The following TTC17 variants were observed in gnomAD, a reference collection of about 807,000 sequenced individuals.
TTC17 encodes the protein tetratricopeptide repeat protein 17.
A neutral mutation model predicts 143.8 loss-of-function variants in TTC17; 58 were observed. The ratio of observed to expected loss-of-function variants is 0.40; its 90% CI spans 0.33 to 0.50. TTC17 has a LOEUF of 0.50. TTC17 is among the 20% of genes least tolerant of loss of function. The pLI, the probability that TTC17 is intolerant of heterozygous loss-of-function variation, is 0.49. For synonymous variants in TTC17, 501 were observed against 497.8 expected, an observed-to-expected ratio of 1.01 and a Z score of -0.09; for missense variants, 1,273 against 1,392.5, an observed-to-expected ratio of 0.91 and a Z score of 1.37.
chr11:43,439,053 G>T (rs1423918623), intron 16 of TTC17, among the ~76,000 whole-genome samples: 1 of 152,210 alleles, frequency 6.6e-6, no homozygotes, highest in Non-Finnish European at 1.5e-5. Context: ...TCCCTTAGGC[G>T]TTGAAGATGG....
intron 9 of TTC17, among the ~76,000 whole-genome samples, chr11:43,400,337 A>G (rs1857798610): frequency 6.6e-6 from 1 of 152,022 alleles, no homozygotes; most frequent in South Asian, 2.1e-4. Flanking sequence ...TTTTTTTCCT[A>G]CCCTAATATG....
Position 43,366,702 on chromosome 11 carries a change from T to C in TTC17, c.159+7589T>C, listed in dbSNP as rs114091931. On this transcript the variant is annotated intron_variant, in intron 1 of 23. Transcript: ENST00000039989. The stretch of plus-strand genomic sequence containing the variant: ...CAAACTCTTTCTATTGACAAGGTTT[T>C]GGTGGCAGGGAGGGAGACAGATTCT... Among the ~76,000 whole-genome samples the C allele has an allele frequency of 3.2e-4, 49 of 152,268 alleles. No homozygotes were observed. In the Middle Eastern group the frequency reaches 0.01, roughly 32 times the overall value.
chr11:43,421,529 G>A (rs982827678), intron 16 of TTC17, among the ~76,000 whole-genome samples: 1 of 152,146 alleles, frequency 6.6e-6, no homozygotes, highest in South Asian at 2.1e-4. Context: ...CCCATCACTC[G>A]CATTACTGCC....
intron 21 of TTC17, among the ~76,000 whole-genome samples, chr11:43,478,598 TTTTA>T (rs921017602): frequency 3.9e-5 from 6 of 152,110 alleles, no homozygotes; most frequent in South Asian, 2.1e-4. Flanking sequence ...CATTATATTG[TTTTA>T]TTTATTTATT....
At chr11:43,459,727 G>A (rs1042518299) in intron 21 of TTC17, among the ~76,000 whole-genome samples, 3 of 152,122 alleles carry the variant, frequency 2.0e-5, no homozygotes, top group African/African-American at 7.2e-5. Context: ...ACTTTAGGAT[G>A]GTATGAAAGC....
chr11:43,389,826 A>G lies in TTC17; in HGVS notation c.419+5A>G, dbSNP rs1458108795. On this transcript the variant is annotated splice_donor_5th_base_variant and intron_variant, in intron 3 of 23. Transcript: ENST00000039989. ...TTTGGAGAGCAAAGACATCAGGTAA[A>G]GAAGTTCTCTTTCCAAAAATAAAAT... 3 of 1,571,864 alleles carry G rather than the reference A, an allele frequency of 1.9e-6. No individual in the cohort carries two copies. The highest frequency in any genetic ancestry group is 2.6e-6 in the Non-Finnish European group (3 of 1,163,636).
intron 19 of TTC17, chr11:43,448,918 T>A (rs1261235703): frequency 6.6e-6 from 1 of 152,210 alleles, no homozygotes; most frequent in East Asian, 1.9e-4. Flanking sequence ...GGAGTTATCC[T>A]TAATGATTTT....
chr11:43,459,157 C>T (rs139914650), intron 21 of TTC17, among the ~76,000 whole-genome samples: 74 of 152,220 alleles, frequency 4.9e-4, no homozygotes, highest in African/African-American at 1.6e-3. Flanking sequence ...CACATACAAC[C>T]TACATTGTTA....
At chr11:43,408,386 CAGA>C (rs1858243078) in intron 15 of TTC17, among the ~76,000 whole-genome samples, 2 of 152,228 alleles carry the variant, frequency 1.3e-5, no homozygotes, top group South Asian at 4.1e-4. Flanking sequence ...GGATTTTAAG[CAGA>C]AGTTTACAAT....
In TTC17 at chr11:43,489,580, A is replaced by G. The variant is rs529114397; in HGVS notation, c.3031-659A>G. ...TGGTGAAACTCTATCTCTACTAAAA[A>G]TACAAAAATTAGACAGGCGTGGTGG... On this transcript the variant is annotated intron_variant, in intron 21 of 23. Coordinates refer to ENST00000039989, the MANE Select transcript of TTC17 (RefSeq NM_018259.6). Among the ~76,000 whole-genome samples, 260 of 152,244 alleles carry G rather than the reference A, an allele frequency of 1.7e-3. 7 individuals carry two copies. Among genetic ancestry groups the G allele is most frequent in the African/African-American group, 6.1e-3 (253 of 41,536 alleles).
chr11:43,447,147 G>A (rs546385161), intron 18 of TTC17, among the ~76,000 whole-genome samples: 3 of 152,058 alleles, frequency 2.0e-5, no homozygotes, highest in East Asian at 1.9e-4. Context: ...ATCATGCCAC[G>A]GCACTCTAGC....
chr11:43,478,794 T>C (rs1948232713), intron 21 of TTC17, among the ~76,000 whole-genome samples: 1 of 152,092 alleles, frequency 6.6e-6, no homozygotes, highest in African/African-American at 2.4e-5. Flanking sequence ...CCAAGCTAAT[T>C]TTTAAATTTT....
At chr11:43,401,674 C>T in intron 10 of TTC17, 116 bp downstream of exon 10, 1 of 710,566 alleles carries the variant, frequency 1.4e-6, no homozygotes, top group South Asian at 2.0e-5. Flanking sequence ...TTGTGATTGT[C>T]ATTTAGATCT....
At chr11:43,382,698 G>C (rs530110185) in intron 2 of TTC17, among the ~76,000 whole-genome samples, 63 of 151,950 alleles carry the variant, frequency 4.1e-4, no homozygotes, top group African/African-American at 1.5e-3. Context: ...AGATTTATAG[G>C]CTTCATCAGA....
chr11:43,463,266 A>C (rs767633850), intron 21 of TTC17, among the ~76,000 whole-genome samples: 2 of 152,132 alleles, frequency 1.3e-5, no homozygotes, highest in Non-Finnish European at 2.9e-5. Context: ...ATATGTGAAC[A>C]CTTAACATAT....
chr11:43,474,484 C>G (rs1948149239), intron 21 of TTC17, among the ~76,000 whole-genome samples: 1 of 152,056 alleles, frequency 6.6e-6, no homozygotes, highest in South Asian at 2.1e-4. Flanking sequence ...TTCAATTTGA[C>G]TTTGAAACCA....
Position 43,380,278 on chromosome 11 carries a change from G to A in TTC17, c.249+956G>A, listed in dbSNP as rs1041232999. On this transcript the variant is annotated intron_variant, in intron 2 of 23. Coordinates refer to ENST00000039989, the MANE Select transcript of TTC17 (RefSeq NM_018259.6). ...TTTGTTTTGTTTTGTTTTTTGAGTC[G>A]AAGTCTCACTCTTGTCGGCCAGGCT... Among the ~76,000 whole-genome samples, 8 of 150,978 alleles carry A rather than the reference G, an allele frequency of 5.3e-5. No individual in the cohort carries two copies. The East Asian group carries it at 9.9e-4, about 19-fold the overall frequency.
chr11:43,485,050 A>G (rs1215952905), intron 21 of TTC17, among the ~76,000 whole-genome samples: 2 of 152,016 alleles, frequency 1.3e-5, no homozygotes. Flanking sequence ...CACTGATTCT[A>G]CATTATGGTG....
intron 15 of TTC17, among the ~76,000 whole-genome samples, chr11:43,411,508 A>T (rs1858412204): frequency 6.6e-6 from 1 of 150,976 alleles, no homozygotes; most frequent in Non-Finnish European, 1.5e-5. Context: ...ACATCCCCAC[A>T]CTGGACTGTA....
Sources: gnomAD v4.1 joint callset for allele counts (sites outside exome capture counted in the v4.1 genomes callset) on GRCh38, gnomAD v4.1.1 for gene constraint, MANE v1.5 for transcripts, NCBI Gene and HGNC (gene_info 2026-07-23, HGNC 2026-07-21) for gene names.